Variants in BICD1 observed in about 807,000 individuals in gnomAD.
The protein encoded by BICD1 is protein bicaudal D homolog 1.
Under a neutral mutation model 92.5 loss-of-function variants are expected in BICD1, and 35 were observed. The ratio of observed to expected loss-of-function variants is 0.38; its 90% CI spans 0.29 to 0.50. The LOEUF (loss-of-function observed/expected upper bound fraction) is 0.50. BICD1 is among the 20% of genes least tolerant of loss of function. BICD1 has a pLI of 0.93. For missense variants in BICD1, 950 were observed against 1,189.8 expected (o/e 0.80, Z 2.97); for synonymous variants, 429 against 465.1 (o/e 0.92, Z 1.00).
At chr12:32,158,351 G>A (rs971339582) in intron 1 of BICD1, among the ~76,000 whole-genome samples, 3 of 151,860 alleles carry the variant, frequency 2.0e-5, no homozygotes, top group African/African-American at 4.8e-5. Context: ...CCAGTGATCT[G>A]CCCACCTTGG....
At chr12:32,160,527 C>G (rs569582014) in intron 1 of BICD1, among the ~76,000 whole-genome samples, 1 of 151,532 alleles carries the variant, frequency 6.6e-6, no homozygotes, top group Admixed American at 6.6e-5. Flanking sequence ...AGCCTCAATA[C>G]AGTCTGAAAA....
chr12:32,173,630 G>A (rs1311160492), intron 1 of BICD1, among the ~76,000 whole-genome samples: 1 of 152,088 alleles, frequency 6.6e-6, no homozygotes, highest in Non-Finnish European at 1.5e-5. Context: ...CTTCTTCTCA[G>A]TTCAGTAGCT....
rs1459737599 is a variant in BICD1 at position 32,305,882 on chromosome 12, T to C, written c.765T>C (p.Tyr255=). ...ACCTGCGGAAGGAGCTCTCCCAGTA[T>C]ATCAGCCTCAATGATAACCATATCA... ...KNNLRKELSQ[Y]ISLNDNHISI... is the part of the protein sequence containing the mutation. Residue 255 remains tyrosine (Y), a synonymous_variant, in exon 4 of 10, where the codon TAT becomes TAC. Transcript: ENST00000652176. The C allele has an allele frequency of 3.7e-6, 6 of 1,614,146 alleles. No individual in the cohort carries two copies. Among genetic ancestry groups the C allele is most frequent in the Non-Finnish European group, 4.2e-6 (5 of 1,180,018 alleles).
intron 2 of BICD1, among the ~76,000 whole-genome samples, chr12:32,244,923 G>A (rs1204417856): frequency 2.6e-5 from 4 of 151,762 alleles, no homozygotes; most frequent in Admixed American, 6.6e-5. Context: ...CACCATGCCC[G>A]GCCGACATAG....
intron 2 of BICD1, among the ~76,000 whole-genome samples, chr12:32,233,450 C>A (rs545890773): frequency 1.3e-5 from 2 of 151,778 alleles, no homozygotes; most frequent in South Asian, 2.1e-4. Context: ...TTTTAAAATG[C>A]GGAACTCGTA....
At chr12:32,107,830 A>T in intron 1 of BICD1, 1 of 682,276 alleles carries the variant, frequency 1.5e-6, no homozygotes, top group Non-Finnish European at 2.7e-6. Context: ...CTAAGACGAC[A>T]TTCAAGTGGG....
intron 2 of BICD1, among the ~76,000 whole-genome samples, chr12:32,287,306 T>G (rs1947595710): frequency 6.6e-6 from 1 of 152,202 alleles, no homozygotes; most frequent in South Asian, 2.1e-4. Flanking sequence ...TTTTAAATTA[T>G]ATCTCAGTTT....
At position 32,327,632 on chromosome 12, in the gene BICD1, G is replaced by T; in HGVS notation, c.1177G>T (p.Gly393Trp). 6.2e-7 allele frequency: 1 copy of T among 1,614,090 alleles called. No homozygotes were observed. The highest frequency in any genetic ancestry group is 8.5e-7 in the Non-Finnish European group (1 of 1,179,996). Residue 393 changes from glycine (G) to tryptophan (W), a missense_variant, in exon 5 of 10, where the codon GGG becomes TGG. Coordinates refer to ENST00000652176, the MANE Select transcript of BICD1 (RefSeq NM_001714.4). ...CAAGGAGCTCAAGGCTGAGCTGGAC[G>T]GGGAGAAGGGCCGGGACTCAGGGGA... ...SSKELKAELD[G>W]EKGRDSGEEA...
intron 3 of BICD1, among the ~76,000 whole-genome samples, chr12:32,302,103 G>T (rs1948067516): frequency 6.6e-6 from 1 of 152,036 alleles, no homozygotes; most frequent in Non-Finnish European, 1.5e-5. Context: ...AGCTAGGATG[G>T]TCTTGATCTC....
intron 9 of BICD1, 162 bp downstream of exon 9, chr12:32,367,907 C>T (rs924084100): frequency 3.3e-5 from 21 of 639,254 alleles, no homozygotes; most frequent in African/African-American, 5.4e-5. Context: ...GCAGTCCCTG[C>T]GTTCCCAGTA....
intron 1 of BICD1, among the ~76,000 whole-genome samples, chr12:32,163,612 C>T (rs1241746116): frequency 1.3e-5 from 2 of 152,140 alleles, no homozygotes; most frequent in African/African-American, 4.8e-5. Context: ...TCTTGGAAAA[C>T]ATTTTAATGG....
chr12:32,353,603 A>G (rs1381342201), intron 8 of BICD1: 2 of 152,194 alleles, frequency 1.3e-5, no homozygotes, highest in Non-Finnish European at 2.9e-5. Flanking sequence ...AGAAAATATT[A>G]AACAAGAAGA....
chr12:32,225,429 C>T (rs948630818), intron 2 of BICD1, among the ~76,000 whole-genome samples: 2 of 152,212 alleles, frequency 1.3e-5, no homozygotes, highest in African/African-American at 4.8e-5. Context: ...TTCATGTACA[C>T]TTACGTTTTC....
At chr12:32,228,696 G>A (rs1196871841) in intron 2 of BICD1, among the ~76,000 whole-genome samples, 1 of 152,166 alleles carries the variant, frequency 6.6e-6, no homozygotes, top group East Asian at 1.9e-4. Flanking sequence ...TTTCTAATGG[G>A]TTGAATGTAG....
At chr12:32,212,127 T>C (rs1057377262) in intron 1 of BICD1, among the ~76,000 whole-genome samples, 6 of 152,244 alleles carry the variant, frequency 3.9e-5, no homozygotes, top group Non-Finnish European at 8.8e-5. Context: ...TCTGTCTCAC[T>C]GATGCTTAGG....
chr12:32,212,040 T>C (rs1414319645), intron 1 of BICD1, among the ~76,000 whole-genome samples: 1 of 152,224 alleles, frequency 6.6e-6, no homozygotes, highest in Non-Finnish European at 1.5e-5. Context: ...TAAGAATTTC[T>C]GTCGAGAGAC....
chr12:32,221,442 G>A (rs998583251), intron 2 of BICD1, among the ~76,000 whole-genome samples: 1 of 151,638 alleles, frequency 6.6e-6, no homozygotes, highest in Non-Finnish European at 1.5e-5. Context: ...CCAGCCCTTT[G>A]GGAGGCCGAG....
Position 32,297,492 on chromosome 12 carries a change from G to A in BICD1, c.579+3346G>A, listed in dbSNP as rs140592063. Among the ~76,000 whole-genome samples the A allele has an allele frequency of 5.2e-3, 788 of 151,160 alleles. 6 individuals carry two copies. The highest frequency in any genetic ancestry group is 0.018 in the African/African-American group (749 of 41,164). ...ATTACAGGCATGAGCCACCATGCCC[G>A]GCCCTAATTAATGAAGTGTTAAGTA... On this transcript the variant is annotated intron_variant, in intron 3 of 9. Coordinates refer to ENST00000652176, the MANE Select transcript of BICD1 (RefSeq NM_001714.4).
rs1242998541 is a variant in BICD1 at position 32,378,422 on chromosome 12, TCTTTA to T, written c.*800_*804del. 3 of 152,232 alleles carry T rather than the reference TCTTTA, an allele frequency of 2.0e-5. No homozygotes were observed. The highest frequency in any genetic ancestry group is 7.2e-5 in the African/African-American group (3 of 41,474). 9.4% of individuals were successfully genotyped at this position (152,232 alleles called of 1,614,324 possible). On this transcript the variant is annotated 3_prime_UTR_variant, in exon 10 of 10. Transcript: ENST00000652176. ...TTGACTTATTCAAGTTTTGATGGCATCTTTACTTTTATTTTTTCATTGCAGTTGAG... is the reference window on the plus strand; with the variant it reads ...TTGACTTATTCAAGTTTTGATGGCATCTTTTATTTTTTCATTGCAGTTGAG...
Sources: allele counts gnomAD v4.1 joint callset (sites outside exome capture counted in the v4.1 genomes callset), GRCh38; gene constraint gnomAD v4.1.1; transcripts MANE v1.5; gene names NCBI Gene and HGNC (gene_info 2026-07-23, HGNC 2026-07-21).